The following ACBD5 variants were observed in gnomAD, a reference collection of about 807,000 sequenced individuals.
ACBD5 encodes the protein acyl-CoA-binding domain-containing protein 5.
In ACBD5, 40 loss-of-function variants were observed where a neutral mutation model predicts 71.8. The ratio of observed to expected loss-of-function variants is 0.56; its 90% CI spans 0.43 to 0.72. ACBD5 has a LOEUF of 0.72. Ranked by LOEUF, ACBD5 falls within the 30% of genes least tolerant of loss-of-function variation. ACBD5 has a pLI of 0.00. For missense variants in ACBD5, 559 were observed against 644.5 expected, an observed-to-expected ratio of 0.87 and a Z score of 1.44; for synonymous variants, 229 against 218.6, an observed-to-expected ratio of 1.05 and a Z score of -0.42.
chr10:27,240,837 C>T, upstream of ACBD5: 4 of 1,240,236 alleles, frequency 3.2e-6, no homozygotes, highest in Non-Finnish European at 4.6e-6. This position sits in a 1 kb window ranked among gnomAD's most constrained non-coding sequence, Gnocchi z 4.1. Context: ...CCCAGAGTCA[C>T]CGGAGGACCC....
chr10:27,223,888 T>C (rs959921995), intron 4 of ACBD5, among the ~76,000 whole-genome samples: 3 of 151,698 alleles, frequency 2.0e-5, no homozygotes, highest in African/African-American at 7.3e-5. Context: ...CCAGGCTTGG[T>C]GACAGAGTGA....
At chr10:27,228,125 A>AT (rs1455225778) in intron 4 of ACBD5, among the ~76,000 whole-genome samples, 1 of 151,738 alleles carries the variant, frequency 6.6e-6, no homozygotes, top group Admixed American at 6.6e-5. Flanking sequence ...GGGCATTTCT[A>AT]TTTTTTCACA....
At chr10:27,192,518 G>T (rs929963617), downstream of ACBD5, among the ~76,000 whole-genome samples, 1 of 152,096 alleles carries the variant, frequency 6.6e-6, no homozygotes, top group Non-Finnish European at 1.5e-5. Context: ...GGCATAGCTG[G>T]GTGTTCCATT....
At chr10:27,228,885 C>G (rs1157572528) in intron 4 of ACBD5, among the ~76,000 whole-genome samples, 2 of 136,052 alleles carry the variant, frequency 1.5e-5, no homozygotes, top group Non-Finnish European at 3.1e-5. Context: ...GCGGCGCAAT[C>G]TCGGCTCACT....
chr10:27,204,372 G>C (rs1564572755), intron 12 of ACBD5, 68 bp downstream of exon 12: 1 of 1,173,922 alleles, frequency 8.5e-7, no homozygotes, highest in African/African-American at 1.5e-5. Flanking sequence ...CTTAATTGCT[G>C]CTGAAAACTC....
chr10:27,188,432 A>G (rs577093935), intron 13 of ACBD5, among the ~76,000 whole-genome samples: 1 of 152,176 alleles, frequency 6.6e-6, no homozygotes, highest in Admixed American at 6.6e-5. Context: ...TGAGCTATTG[A>G]TGACTCACTG....
intron 4 of ACBD5, among the ~76,000 whole-genome samples, chr10:27,226,475 C>T (rs2137815757): frequency 6.6e-6 from 1 of 150,944 alleles, no homozygotes; most frequent in South Asian, 2.1e-4. Flanking sequence ...CACACACACA[C>T]ACACACACAC....
downstream of ACBD5, among the ~76,000 whole-genome samples, chr10:27,192,179 A>G (rs1404594006): frequency 1.3e-5 from 2 of 152,144 alleles, no homozygotes; most frequent in African/African-American, 4.8e-5. Context: ...GAATCATCAG[A>G]GACTACTGGG....
intron 13 of ACBD5, among the ~76,000 whole-genome samples, chr10:27,187,855 G>C (rs2058862367): frequency 6.6e-6 from 1 of 151,840 alleles, no homozygotes; most frequent in South Asian, 2.1e-4. Context: ...ACATCTTATT[G>C]TCATTTATTT....
downstream of ACBD5, among the ~76,000 whole-genome samples, chr10:27,193,820 T>C (rs1193485954): frequency 1.3e-5 from 2 of 152,196 alleles, no homozygotes; most frequent in Non-Finnish European, 2.9e-5. Context: ...TCCAGACTTA[T>C]ATCGAAGGAA....
At chr10:27,185,909 G>T (rs2058701239) in intron 13 of ACBD5, among the ~76,000 whole-genome samples, 1 of 151,846 alleles carries the variant, frequency 6.6e-6, no homozygotes, top group South Asian at 2.1e-4. Context: ...GCCCAACATG[G>T]CGAAACCCCG....
In ACBD5 at chr10:27,205,253, A is replaced by G; in HGVS notation, c.1405-5T>C. ...TGTTGATGTTGATGATTTTGCCTGT[A>G]AATGCAAATGAAGGTGACTTAGCCT... On this transcript the variant is annotated splice_region_variant and splice_polypyrimidine_tract_variant and intron_variant, in intron 10 of 12. Transcript: ENST00000396271. 6.2e-7 allele frequency: 1 copy of G among 1,612,754 alleles called. No individual in the cohort carries two copies. Among genetic ancestry groups the G allele is most frequent in the Non-Finnish European group, 8.5e-7 (1 of 1,179,378 alleles).
At chr10:27,194,011 G>A (rs186414783), downstream of ACBD5, among the ~76,000 whole-genome samples, 4 of 152,290 alleles carry the variant, frequency 2.6e-5, no homozygotes, top group Non-Finnish European at 2.9e-5. Context: ...AGCATTTTGG[G>A]AGGCTGAGGC....
chr10:27,236,783 G>C (rs1183951258), intron 2 of ACBD5, among the ~76,000 whole-genome samples: 1 of 151,396 alleles, frequency 6.6e-6, no homozygotes, highest in Non-Finnish European at 1.5e-5. Context: ...AGCTACTCAG[G>C]AGGCTGAGAC....
intron 9 of ACBD5, 108 bp from the exon 10 acceptor site, chr10:27,208,553 T>C: frequency 7.4e-7 from 1 of 1,347,302 alleles, no homozygotes; most frequent in Non-Finnish European, 1.0e-6. Context: ...ATCTCCAAAG[T>C]GTGGCCAGGA....
intron 3 of ACBD5, among the ~76,000 whole-genome samples, chr10:27,232,477 C>T (rs972620425): frequency 2.0e-5 from 3 of 151,864 alleles, no homozygotes; most frequent in South Asian, 2.1e-4. Flanking sequence ...TACAGGCATG[C>T]ACCCCCACAC....
At chr10:27,224,963 G>A (rs1054269618) in intron 4 of ACBD5, among the ~76,000 whole-genome samples, 2 of 152,050 alleles carry the variant, frequency 1.3e-5, no homozygotes, top group Non-Finnish European at 1.5e-5. Context: ...CCCAGGAGGC[G>A]GAGGTTGCAG....
At chr10:27,227,510 G>T (rs2137893223) in intron 4 of ACBD5, among the ~76,000 whole-genome samples, 1 of 152,206 alleles carries the variant, frequency 6.6e-6, no homozygotes, top group Non-Finnish European at 1.5e-5. Flanking sequence ...TCACTTCTGA[G>T]TATGCTGATC....
chr10:27,230,632 A>G (rs1186702558), intron 4 of ACBD5, among the ~76,000 whole-genome samples: 2 of 152,002 alleles, frequency 1.3e-5, no homozygotes, highest in Non-Finnish European at 2.9e-5. Flanking sequence ...TCCCGTCTGC[A>G]CTAAAAATAC....
Sources: allele counts gnomAD v4.1 joint callset (sites outside exome capture counted in the v4.1 genomes callset), GRCh38; gene constraint gnomAD v4.1.1; non-coding constraint Gnocchi (gnomAD v3.1); transcripts MANE v1.5; gene names NCBI Gene and HGNC (gene_info 2026-07-23, HGNC 2026-07-21).